LRFN5: variants seen among roughly 807,000 people sequenced by gnomAD.
LRFN5 encodes leucine rich repeat and fibronectin type III domain containing 5.
A neutral mutation model predicts 45.6 loss-of-function variants in LRFN5; 24 were observed. The ratio of observed to expected loss-of-function variants is 0.53; its 90% CI spans 0.38 to 0.74. The LOEUF is 0.74. LRFN5 is among the 30% of genes least tolerant of loss of function. LRFN5 has a pLI of 0.00. For synonymous variants in LRFN5, 340 were observed against 313.8 expected (o/e 1.08, Z -0.88); for missense variants, 776 against 861.5 (o/e 0.90, Z 1.24).
intron 1 of LRFN5, among the ~76,000 whole-genome samples, chr14:41,652,277 A>G (rs1359077917): frequency 1.3e-5 from 2 of 152,126 alleles, no homozygotes; most frequent in Non-Finnish European, 2.9e-5. Context: ...ATATTATATC[A>G]TTTCTATGAT....
At chr14:41,622,828 C>G (rs1292904175) in intron 1 of LRFN5, among the ~76,000 whole-genome samples, 1 of 152,050 alleles carries the variant, frequency 6.6e-6, no homozygotes, top group Non-Finnish European at 1.5e-5. Flanking sequence ...ATCTGAAATA[C>G]AGAATTCTCC....
At chr14:41,877,070 A>T (rs1344871273) in intron 2 of LRFN5, among the ~76,000 whole-genome samples, 1 of 152,192 alleles carries the variant, frequency 6.6e-6, no homozygotes. Context: ...ACCACTAGCA[A>T]TCTAACATAC....
At chr14:41,703,538 G>GT (rs796735713) in intron 1 of LRFN5, among the ~76,000 whole-genome samples, 70 of 150,630 alleles carry the variant, frequency 4.6e-4, no homozygotes, top group Middle Eastern at 3.4e-3. Context: ...GTAAGACAGT[G>GT]TTTTTTTTTG....
intron 2 of LRFN5, among the ~76,000 whole-genome samples, chr14:41,874,370 C>T (rs1317458063): frequency 1.3e-5 from 2 of 152,156 alleles, no homozygotes; most frequent in African/African-American, 4.8e-5. Context: ...TCTTTTTACT[C>T]TGATGCTTTC....
intron 2 of LRFN5, among the ~76,000 whole-genome samples, chr14:41,880,637 G>A (rs1171940855): frequency 6.6e-6 from 1 of 152,046 alleles, no homozygotes; most frequent in Non-Finnish European, 1.5e-5. Flanking sequence ...ATTAGGTCAG[G>A]TTGGTTGATA....
intron 2 of LRFN5, among the ~76,000 whole-genome samples, chr14:41,878,403 T>C (rs1890260442): frequency 1.3e-5 from 2 of 152,188 alleles, no homozygotes; most frequent in South Asian, 4.1e-4. Flanking sequence ...CTGCAGAGAA[T>C]AGGCTTTAGT....
intron 1 of LRFN5, among the ~76,000 whole-genome samples, chr14:41,714,862 G>A (rs1392380400): frequency 6.6e-6 from 1 of 152,022 alleles, no homozygotes; most frequent in Non-Finnish European, 1.5e-5. Flanking sequence ...CTGTAATGAT[G>A]CCACTGCACT....
intron 1 of LRFN5, among the ~76,000 whole-genome samples, chr14:41,633,613 C>G (rs1337495803): frequency 2.0e-5 from 3 of 151,968 alleles, no homozygotes; most frequent in Admixed American, 2.0e-4. Flanking sequence ...GGATCAGGTC[C>G]AATTCCATAA....
chr14:41,725,029 A>G lies in LRFN5; in HGVS notation c.-196-41825A>G, dbSNP rs562951337. 2.0e-5 allele frequency among the ~76,000 whole-genome samples: 3 copies of G among 152,312 alleles called. No individual in the cohort carries two copies. In the South Asian group the frequency reaches 6.2e-4, roughly 32 times the overall value. On this transcript the variant is annotated intron_variant, in intron 1 of 5. Transcript: ENST00000298119. ...GGCCCTGTTGAAGTGAAAAACCACT[A>G]GGATATTTTGCCTTGGGGCTATGTA...
chr14:41,659,891 T>C (rs1182603876), intron 1 of LRFN5, among the ~76,000 whole-genome samples: 1 of 147,222 alleles, frequency 6.8e-6, no homozygotes, highest in Admixed American at 6.7e-5. Context: ...CACTTTTTGA[T>C]GTTTTTTTTT....
intron 1 of LRFN5, among the ~76,000 whole-genome samples, chr14:41,760,786 G>C (rs1260298835): frequency 6.6e-6 from 1 of 150,640 alleles, no homozygotes; most frequent in Non-Finnish European, 1.5e-5. Flanking sequence ...AAGGAGGGAA[G>C]GTGAAAACTG....
At chr14:41,650,214 T>C (rs1880029200) in intron 1 of LRFN5, among the ~76,000 whole-genome samples, 1 of 128,216 alleles carries the variant, frequency 7.8e-6, no homozygotes, top group Non-Finnish European at 1.6e-5. Flanking sequence ...GCCAACATAG[T>C]GAAACCCTGT....
At chr14:41,686,378 G>A (rs1214463017) in intron 1 of LRFN5, among the ~76,000 whole-genome samples, 1 of 151,860 alleles carries the variant, frequency 6.6e-6, no homozygotes, top group Non-Finnish European at 1.5e-5. Context: ...TGATACGATG[G>A]GGTTTTCTAA....
At chr14:41,643,880 TG>T (rs1327727123) in intron 1 of LRFN5, among the ~76,000 whole-genome samples, 2 of 152,190 alleles carry the variant, frequency 1.3e-5, no homozygotes, top group East Asian at 3.9e-4. Flanking sequence ...AAACCACTTC[TG>T]TTCATAATCT....
At chr14:41,902,964 A>G (rs1891145986) in intron 5 of LRFN5, among the ~76,000 whole-genome samples, 1 of 151,690 alleles carries the variant, frequency 6.6e-6, no homozygotes, top group African/African-American at 2.4e-5. Context: ...TTTTCTTAGT[A>G]TATTCCAGGT....
intron 1 of LRFN5, among the ~76,000 whole-genome samples, chr14:41,734,094 C>T (rs1884301503): frequency 2.2e-5 from 3 of 137,034 alleles, no homozygotes; most frequent in East Asian, 2.1e-4. Context: ...GGCATGATCT[C>T]GGCTCACTGC....
chr14:41,671,604 A>ATTTTTTTCTCTCGTTTTTTTTT (rs1881217445), intron 1 of LRFN5, among the ~76,000 whole-genome samples: 1 of 91,078 alleles, frequency 1.1e-5, no homozygotes, highest in Non-Finnish European at 2.0e-5. Flanking sequence ...TGGAGGAGAG[A>ATTTTTTTCTCTCGTTTTTTTTT]TTTTTTTTTT....
At chr14:41,649,992 T>C (rs1242537567) in intron 1 of LRFN5, among the ~76,000 whole-genome samples, 3 of 152,134 alleles carry the variant, frequency 2.0e-5, no homozygotes, top group Non-Finnish European at 4.4e-5. Flanking sequence ...AAGGCAATAA[T>C]AATTAAGAAA....
chr14:41,706,740 T>A (rs1278893038), intron 1 of LRFN5, among the ~76,000 whole-genome samples: 1 of 152,200 alleles, frequency 6.6e-6, no homozygotes, highest in Admixed American at 6.5e-5. Context: ...ATATGAATAT[T>A]TTTCCTTTTG....
Sources: allele counts gnomAD v4.1 joint callset (sites outside exome capture counted in the v4.1 genomes callset), GRCh38; gene constraint gnomAD v4.1.1; transcripts MANE v1.5; gene names NCBI Gene and HGNC (gene_info 2026-07-23, HGNC 2026-07-21).